TBC1D4: variants seen among roughly 807,000 people sequenced by gnomAD.
TBC1D4 encodes the protein TBC (Tre-2, BUB2, CDC16) domain-containing protein.
Under a neutral mutation model 142.5 loss-of-function variants are expected in TBC1D4, and 121 were observed. That is an observed-to-expected ratio of 0.85 (90% confidence interval 0.73 to 0.99). The LOEUF (loss-of-function observed/expected upper bound fraction) is 0.99. Among genes scored for constraint, TBC1D4 ranks in the 50% least tolerant of loss-of-function variants. The pLI is 0.00. For missense variants in TBC1D4, 1,475 were observed against 1,606.6 expected, an observed-to-expected ratio of 0.92 and a Z score of 1.40; for synonymous variants, 630 against 628.2, an observed-to-expected ratio of 1.00 and a Z score of -0.04.
chr13:75,321,220 C>A (rs923534523), intron 11 of TBC1D4, among the ~76,000 whole-genome samples: 1 of 151,996 alleles, frequency 6.6e-6, no homozygotes, highest in Non-Finnish European at 1.5e-5. Flanking sequence ...CTGAATAGTT[C>A]CAGATATCAT....
At chr13:75,327,342 T>G (rs2297204) in intron 9 of TBC1D4, among the ~76,000 whole-genome samples, 1 of 149,744 alleles carries the variant, frequency 6.7e-6, no homozygotes, top group South Asian at 2.2e-4. Flanking sequence ...CTACCGAGAG[T>G]TGTCAATGAG....
chr13:75,286,915 A>G lies in TBC1D4; in HGVS notation c.3774T>C (p.Tyr1258=). The G allele has an allele frequency of 6.2e-7, 1 of 1,613,948 alleles. No homozygotes were observed. The highest frequency in any genetic ancestry group is 8.5e-7 in the Non-Finnish European group (1 of 1,179,962). Reference sequence around the variant, plus strand: ...TCCGGAGTTGCTCCACTGTCTTTTGATAAGCCATTTTTTCTTGTTCCAGGG... The same window carrying G: ...TCCGGAGTTGCTCCACTGTCTTTTGGTAAGCCATTTTTTCTTGTTCCAGGG... The part of the protein sequence containing the change: ...IRTLEQEKMA[Y]QKTVEQLRKL... Residue 1258 remains tyrosine (Y), a synonymous_variant, in exon 21 of 21, where the codon TAT becomes TAC. Coordinates refer to ENST00000377636, the MANE Select transcript of TBC1D4 (RefSeq NM_014832.5).
chr13:75,443,202 C>T (rs966473538), intron 1 of TBC1D4, among the ~76,000 whole-genome samples: 1 of 152,014 alleles, frequency 6.6e-6, no homozygotes, highest in African/African-American at 2.4e-5. Flanking sequence ...CTACTTTTTT[C>T]CCTGTAGAGG....
intron 5 of TBC1D4, among the ~76,000 whole-genome samples, chr13:75,343,902 G>A (rs562288443): frequency 1.3e-5 from 2 of 152,018 alleles, no homozygotes; most frequent in African/African-American, 2.4e-5. Flanking sequence ...ATGCAATGGC[G>A]TGATCTCAGC....
intron 1 of TBC1D4, among the ~76,000 whole-genome samples, chr13:75,441,201 C>T (rs147708545): frequency 0.023 from 3,453 of 152,054 alleles, 147 homozygotes; most frequent in African/African-American, 0.079. Context: ...GGTTGCAGTG[C>T]GCCAAGATCG....
intron 11 of TBC1D4, among the ~76,000 whole-genome samples, chr13:75,323,712 A>G (rs982435227): frequency 2.0e-5 from 3 of 152,176 alleles, no homozygotes; most frequent in Non-Finnish European, 2.9e-5. Context: ...TGATCTTGTA[A>G]CCATTATGCG....
Position 75,362,002 on chromosome 13 carries a change from C to T in TBC1D4, c.1080+24G>A, listed in dbSNP as rs538101833. ...CATCTGGCACCTTTTGGGGCAAGGGCAGACAGCGTCCGATCAGGTGTACCT... is the reference window on the plus strand; with the variant it reads ...CATCTGGCACCTTTTGGGGCAAGGGTAGACAGCGTCCGATCAGGTGTACCT... On this transcript the variant is annotated intron_variant, in intron 2 of 20. Coordinates refer to ENST00000377636, the MANE Select transcript of TBC1D4 (RefSeq NM_014832.5). The surrounding 1 kb of genome is among the most constrained non-coding windows in gnomAD (Gnocchi z 4.2). The T allele has an allele frequency of 4.5e-5, 73 of 1,613,902 alleles. No homozygotes were observed. The South Asian group carries it at 7.8e-4, about 17-fold the overall frequency.
chr13:75,336,961 T>C lies in TBC1D4; in HGVS notation c.1691A>G (p.Lys564Arg), dbSNP rs201832927. The C allele has an allele frequency of 6.8e-4, 1,097 of 1,613,630 alleles. No homozygotes were observed. The highest frequency in any genetic ancestry group is 9.0e-4 in the Non-Finnish European group (1,061 of 1,179,716). ...TTCCAGGGAGCTAGTTAAGGATCTC[T>C]TAGCTTTATTTTTCAGAATGTCAAG... ...FKLDILKNKAKRSLTSSLENI... is the reference protein window; with the variant it reads ...FKLDILKNKARRSLTSSLENI... The change falls in exon 8 of 21, where the codon AAG (lysine) becomes AGG (arginine). Residue 564 changes from lysine to arginine, a missense_variant. Physicochemically the swap from Lys to Arg is conservative, Grantham distance 26. This residue lies in a region of TBC1D4 where 1,227 missense variants were observed against 1,267.7 expected (regional missense o/e 0.97). Transcript: ENST00000377636.
chr13:75,330,458 G>A (rs1879654288), intron 8 of TBC1D4, among the ~76,000 whole-genome samples: 1 of 152,146 alleles, frequency 6.6e-6, no homozygotes, highest in South Asian at 2.1e-4. Context: ...CATATACTAC[G>A]TTAAGGATTT....
chr13:75,384,165 G>A (rs1185350638), intron 1 of TBC1D4, among the ~76,000 whole-genome samples: 2 of 152,192 alleles, frequency 1.3e-5, no homozygotes, highest in Non-Finnish European at 2.9e-5. Flanking sequence ...GCTCACGCCT[G>A]TGCTGGGATT....
chr13:75,367,695 TA>T (rs1882999573), intron 1 of TBC1D4, among the ~76,000 whole-genome samples: 1 of 152,180 alleles, frequency 6.6e-6, no homozygotes, highest in Non-Finnish European at 1.5e-5. Context: ...AGATTTCCTT[TA>T]TAATTAATTC....
chr13:75,419,347 A>C (rs1362599126), intron 1 of TBC1D4, among the ~76,000 whole-genome samples: 1 of 152,134 alleles, frequency 6.6e-6, no homozygotes, highest in Non-Finnish European at 1.5e-5. Flanking sequence ...AGTTTTATGC[A>C]ACATTTTCAC....
At chr13:75,396,347 A>G (rs1196476755) in intron 1 of TBC1D4, among the ~76,000 whole-genome samples, 2 of 152,234 alleles carry the variant, frequency 1.3e-5, no homozygotes, top group African/African-American at 4.8e-5. Context: ...AAGCACCACT[A>G]GCCAAAGGCC....
intron 1 of TBC1D4, among the ~76,000 whole-genome samples, chr13:75,371,630 T>A (rs1483661805): frequency 2.0e-5 from 3 of 152,204 alleles, no homozygotes; most frequent in Non-Finnish European, 2.9e-5. Context: ...GGTGAAGACA[T>A]CTTTAGGATC....
In TBC1D4 at chr13:75,306,284, A is replaced by C. The variant is rs1459642560; in HGVS notation, c.2752+29T>G. The C allele has an allele frequency of 1.9e-6, 3 of 1,574,296 alleles. No individual in the cohort carries two copies. In the African/African-American group the frequency reaches 4.1e-5, roughly 22 times the overall value. ...AATCCCCCAGGCTTTTCTTTAAAAAACAAAAATTACTGAGATTATCCCAAA... is the reference window on the plus strand; with the variant it reads ...AATCCCCCAGGCTTTTCTTTAAAAACCAAAAATTACTGAGATTATCCCAAA... On this transcript the variant is annotated intron_variant, in intron 15 of 20. Transcript: ENST00000377636.
intron 1 of TBC1D4, among the ~76,000 whole-genome samples, chr13:75,444,754 T>C (rs886782463): frequency 1.3e-5 from 2 of 152,168 alleles, no homozygotes; most frequent in African/African-American, 4.8e-5. Context: ...GTCTGGATGT[T>C]TGTTCATAAA....
chr13:75,301,514 T>G (rs512973), intron 16 of TBC1D4, among the ~76,000 whole-genome samples: 151,826 of 151,942 alleles, frequency 1, 75,855 homozygotes, highest in Middle Eastern at 1. Context: ...GCGTGGTGGC[T>G]GGTGCCTGTA....
intron 4 of TBC1D4, among the ~76,000 whole-genome samples, chr13:75,350,248 G>T (rs988409236): frequency 3.3e-5 from 5 of 152,176 alleles, no homozygotes; most frequent in African/African-American, 1.2e-4. Flanking sequence ...TACCATGCTT[G>T]GTAAGCACAT....
chr13:75,399,374 A>C (rs1884964163), intron 1 of TBC1D4, among the ~76,000 whole-genome samples: 1 of 152,166 alleles, frequency 6.6e-6, no homozygotes, highest in Admixed American at 6.5e-5. Flanking sequence ...GTTCTACAGT[A>C]CTGTAACCAA....
Sources: allele counts gnomAD v4.1 joint callset (sites outside exome capture counted in the v4.1 genomes callset), GRCh38; gene constraint gnomAD v4.1.1; regional missense constraint gnomAD v4.1.1; non-coding constraint Gnocchi (gnomAD v3.1); transcripts MANE v1.5; gene names NCBI Gene and HGNC (gene_info 2026-07-23, HGNC 2026-07-21).